Variants in PCDHGA2 observed in about 807,000 individuals in gnomAD.
PCDHGA2 encodes protocadherin gamma-A2.
PCDHGA2 carries 40 observed loss-of-function variants against 59.2 expected under a neutral mutation model. The ratio of observed to expected loss-of-function variants is 0.68; its 90% CI spans 0.52 to 0.88. The LOEUF is 0.88. PCDHGA2 is among the 40% of genes least tolerant of loss of function. PCDHGA2 has a pLI of 0.00. For synonymous variants in PCDHGA2, 560 were observed against 526.0 expected (o/e 1.06, Z -0.89); for missense variants, 1,226 against 1,204.0 (o/e 1.02, Z -0.27).
intron 1 of PCDHGA2, chr5:141,346,638 GT>G (rs1757785998): frequency 1.1e-6 from 1 of 911,562 alleles, no homozygotes; most frequent in Non-Finnish European, 1.6e-6. Flanking sequence ...TCTGGTTATG[GT>G]TGAGTGGGCT....
intron 1 of PCDHGA2, among the ~76,000 whole-genome samples, chr5:141,348,047 TC>T (rs1250489792): frequency 6.6e-6 from 1 of 152,198 alleles, no homozygotes; most frequent in African/African-American, 2.4e-5. Context: ...GGAATAGAAG[TC>T]CCTTCTTTTG....
chr5:141,485,654 G>A lies in PCDHGA2; in HGVS notation c.2425-9153G>A, dbSNP rs2099617203. 6.2e-7 allele frequency: 1 copy of A among 1,612,482 alleles called. No individual in the cohort carries two copies. The highest frequency in any genetic ancestry group is 8.5e-7 in the Non-Finnish European group (1 of 1,178,842). On this transcript the variant is annotated intron_variant, in intron 1 of 3. Coordinates refer to ENST00000394576, the MANE Select transcript of PCDHGA2 (RefSeq NM_018915.4). The surrounding 1 kb of genome is among the most constrained non-coding windows in gnomAD (Gnocchi z 5.7). ...CCCGTTGGAAAAGGCTCAGGATGCA[G>A]ATGTGGGGAGCAATTCGATTAGCAG... is the stretch of plus-strand genomic sequence containing the variant.
At chr5:141,419,863 G>C in intron 1 of PCDHGA2, 1 of 1,614,108 alleles carries the variant, frequency 6.2e-7, no homozygotes, top group Non-Finnish European at 8.5e-7. Flanking sequence ...CAGATAGCTT[G>C]CAAGAGGTAC....
rs115808055 is a variant in PCDHGA2 at position 141,476,782 on chromosome 5, A to G, written c.2425-18025A>G. Reference sequence around the variant, plus strand: ...TGACGGCGTTGGACGGAGGGACCCCAGCTCTCTCCGCCAGCCTGCCTATTC... The same window carrying G: ...TGACGGCGTTGGACGGAGGGACCCCGGCTCTCTCCGCCAGCCTGCCTATTC... On this transcript the variant is annotated intron_variant, in intron 1 of 3. Transcript: ENST00000394576. This position sits in a 1 kb window ranked among gnomAD's most constrained non-coding sequence, Gnocchi z 7.6. 18,517 of 1,613,566 alleles carry G rather than the reference A, an allele frequency of 0.011. 139 individuals are homozygous for G. Among genetic ancestry groups the G allele is most frequent in the Non-Finnish European group, 0.014 (16,976 of 1,179,996 alleles).
At chr5:141,379,835 A>G (rs898204627) in intron 1 of PCDHGA2, among the ~76,000 whole-genome samples, 9 of 143,642 alleles carry the variant, frequency 6.3e-5, no homozygotes, top group Non-Finnish European at 3.1e-5. Context: ...AAGCATCAGG[A>G]AAAAAAACTA....
chr5:141,375,822 G>T, intron 1 of PCDHGA2: 6 of 1,614,140 alleles, frequency 3.7e-6, no homozygotes, highest in Non-Finnish European at 5.1e-6. Flanking sequence ...CTGGCGCCCC[G>T]CTCCGCAGAG....
At chr5:141,419,034 T>C in intron 1 of PCDHGA2, 1 of 1,613,902 alleles carries the variant, frequency 6.2e-7, no homozygotes, top group Non-Finnish European at 8.5e-7. Flanking sequence ...GGTGTTCCAT[T>C]TAAGATTCAT....
At chr5:141,478,173 A>G (rs1397071220) in intron 1 of PCDHGA2, 1 of 1,613,986 alleles carries the variant, frequency 6.2e-7, no homozygotes, top group Non-Finnish European at 8.5e-7. Flanking sequence ...CCCCGGGAGC[A>G]GAAAAAAAAT....
At chr5:141,419,886 G>C (rs1195529127) in intron 1 of PCDHGA2, 1 of 1,614,076 alleles carries the variant, frequency 6.2e-7, no homozygotes, top group Non-Finnish European at 8.5e-7. Context: ...CCGGATTTCA[G>C]CGACCATCCC....
At chr5:141,375,609 C>T (rs755429700) in intron 1 of PCDHGA2, 8 of 1,614,226 alleles carry the variant, frequency 5.0e-6, no homozygotes, top group South Asian at 3.3e-5. Context: ...TCCATCAACT[C>T]CGACACTGGG....
chr5:141,351,502 C>T (rs754605719), intron 1 of PCDHGA2: 8 of 1,613,892 alleles, frequency 5.0e-6, no homozygotes, highest in Non-Finnish European at 6.8e-6. Flanking sequence ...CAGCAGACTA[C>T]AACGTCACAA....
At chr5:141,380,998 A>G (rs1382906356) in intron 1 of PCDHGA2, among the ~76,000 whole-genome samples, 1 of 152,262 alleles carries the variant, frequency 6.6e-6, no homozygotes, top group East Asian at 1.9e-4. Context: ...CAGTTTACAG[A>G]ATTCATCTAT....
At chr5:141,341,688 T>TTTTTTTTAATGATA in intron 1 of PCDHGA2, 1 of 571,108 alleles carries the variant, frequency 1.8e-6, no homozygotes, top group Non-Finnish European at 3.0e-6. Flanking sequence ...TTCTTCTCCA[T>TTTTTTTTAATGATA]CCCTGGGCAA....
intron 1 of PCDHGA2, chr5:141,371,361 GAT>G: frequency 3.1e-6 from 5 of 1,613,976 alleles, no homozygotes; most frequent in Non-Finnish European, 4.2e-6. Flanking sequence ...GGAAGCAAAG[GAT>G]GGTGGACATC....
rs61612330 is a variant in PCDHGA2, at chr5:141,454,796, A to ATTTTTTTTTTTT, written c.2425-39993_2425-39982dup. Among the ~76,000 whole-genome samples, 573 of 77,460 alleles carry ATTTTTTTTTTTT rather than the reference A, an allele frequency of 7.4e-3. 68 individuals carry two copies. Among genetic ancestry groups the ATTTTTTTTTTTT allele is most frequent in the Non-Finnish European group, 9.0e-3 (384 of 42,814 alleles). The allele number at this position is 77,460 out of a possible 152,430, so 50.8% of individuals were successfully genotyped here. A position where few individuals can be genotyped will look rare whatever the true frequency, so the allele number is the denominator to read the frequency against. On this transcript the variant is annotated intron_variant, in intron 1 of 3. Coordinates refer to ENST00000394576, the MANE Select transcript of PCDHGA2 (RefSeq NM_018915.4). ...AAGGAAATAATCCTCCATGGTTCTA[A>ATTTTTTTTTTTT]TTTTTTTTTTTTTTTTTTTTTTTTT...
At chr5:141,367,424 C>A (rs1368988996) in intron 1 of PCDHGA2, 1 of 152,184 alleles carries the variant, frequency 6.6e-6, no homozygotes, top group Non-Finnish European at 1.5e-5. Context: ...GTAGTCCCAG[C>A]TACTCGGAAG....
At chr5:141,434,427 G>A (rs2097693282) in intron 1 of PCDHGA2, among the ~76,000 whole-genome samples, 1 of 152,216 alleles carries the variant, frequency 6.6e-6, no homozygotes, top group African/African-American at 2.4e-5. Context: ...GTTCATGATG[G>A]CCGTAATGCC....
At position 141,414,317 on chromosome 5, in the gene PCDHGA2, AG is replaced by A. The variant is rs757847465; in HGVS notation, c.2424+72923del. On this transcript the variant is annotated intron_variant, in intron 1 of 3. Transcript: ENST00000394576. The stretch of plus-strand genomic sequence containing the variant: ...TTAAATGTGCATGATTTAGACTCTG[AG>A]CAGAATGGACAGGTAACCTGTTCCA... The A allele has an allele frequency of 1.9e-6, 3 of 1,613,828 alleles. No individual in the cohort carries two copies. In the South Asian group the frequency reaches 3.3e-5, roughly 18 times the overall value.
rs757019379 is a variant in PCDHGA2 at position 141,390,006 on chromosome 5, G to T, written c.2424+48611G>T. 4.5e-5 allele frequency: 73 copies of T among 1,613,888 alleles called. No individual in the cohort carries two copies. Among genetic ancestry groups the T allele is most frequent in the Admixed American group, 1.7e-5 (1 of 60,004 alleles). ...GCTCTTCCTCGTGGCCATGATTCTG[G>T]CCATTGCCTTGCGCCTGCGACGCTC... On this transcript the variant is annotated intron_variant, in intron 1 of 3. Transcript: ENST00000394576.
Sources: allele counts gnomAD v4.1 joint callset (sites outside exome capture counted in the v4.1 genomes callset), GRCh38; gene constraint gnomAD v4.1.1; non-coding constraint Gnocchi (gnomAD v3.1); transcripts MANE v1.5; gene names NCBI Gene and HGNC (gene_info 2026-07-23, HGNC 2026-07-21).